Variants in GRAMD1B observed in about 807,000 individuals in gnomAD.
The protein encoded by GRAMD1B is protein Aster-B.
In GRAMD1B, 37 loss-of-function variants were observed where a neutral mutation model predicts 99.7. The ratio of observed to expected loss-of-function variants is 0.37; its 90% CI spans 0.29 to 0.49. GRAMD1B has a LOEUF of 0.49. GRAMD1B is among the 20% of genes least tolerant of loss of function. GRAMD1B has a pLI of 0.98. For synonymous variants in GRAMD1B, 427 were observed against 387.6 expected (o/e 1.10, Z -1.19); for missense variants, 888 against 1,009.2 (o/e 0.88, Z 1.63).
chr11:123,497,284 T>G (rs1939392797), intron 2 of GRAMD1B, among the ~76,000 whole-genome samples: 1 of 152,222 alleles, frequency 6.6e-6, no homozygotes, highest in Non-Finnish European at 1.5e-5. Flanking sequence ...AGTTTCTCAC[T>G]GTGGTTAGCC....
intron 1 of GRAMD1B, among the ~76,000 whole-genome samples, chr11:123,422,174 A>G (rs995794242): frequency 2.0e-5 from 3 of 152,180 alleles, no homozygotes; most frequent in African/African-American, 7.2e-5. Flanking sequence ...TGGGGGGGAT[A>G]CAAGCAGGGG....
At chr11:123,373,942 A>T (rs1946612128) in intron 1 of GRAMD1B, among the ~76,000 whole-genome samples, 1 of 152,204 alleles carries the variant, frequency 6.6e-6, no homozygotes, top group Admixed American at 6.5e-5. Flanking sequence ...GGAGAATCCC[A>T]TCTGGATAAA....
At chr11:123,499,292 C>T (rs1002883404) in intron 2 of GRAMD1B, among the ~76,000 whole-genome samples, 1 of 152,182 alleles carries the variant, frequency 6.6e-6, no homozygotes, top group Non-Finnish European at 1.5e-5. Flanking sequence ...AGGAAGAAGT[C>T]CCTCACCAGA....
In GRAMD1B at chr11:123,610,296, G is replaced by A; in HGVS notation, c.1877G>A (p.Arg626His). The change falls in exon 14 of 20, where the codon CGC becomes CAC. Residue 626 changes from arginine to histidine, a missense_variant. This residue lies in a region of GRAMD1B where 92 missense variants were observed against 156.9 expected (regional missense o/e 0.59). Coordinates refer to ENST00000635736, the MANE Select transcript of GRAMD1B (RefSeq NM_001387025.1). This position sits in a 1 kb window ranked among gnomAD's most constrained non-coding sequence, Gnocchi z 4.1. ...PYHDYFYTIN[R>H]YTLTRVARNK... ...CATGACTACTTCTACACAATCAATC[G>A]CTACACGCTCACCCGTGTGGCTCGG... The A allele has an allele frequency of 1.2e-6, 2 of 1,613,616 alleles. No homozygotes were observed. The highest frequency in any genetic ancestry group is 1.7e-5 in the Admixed American group (1 of 59,996).
intron 1 of GRAMD1B, among the ~76,000 whole-genome samples, chr11:123,386,147 G>A (rs181177521): frequency 1.3e-5 from 2 of 152,288 alleles, no homozygotes; most frequent in African/African-American, 2.4e-5. Context: ...TCTGTCAAGT[G>A]AGATTCTAAT....
chr11:123,560,252 G>C (rs978289931), intron 2 of GRAMD1B: 6 of 1,082,670 alleles, frequency 5.5e-6, no homozygotes, highest in African/African-American at 5.0e-5. Context: ...GCCTGTGCGC[G>C]TGCGTGCCTG....
At chr11:123,410,254 A>G (rs896796484) in intron 1 of GRAMD1B, among the ~76,000 whole-genome samples, 1 of 152,120 alleles carries the variant, frequency 6.6e-6, no homozygotes, top group Non-Finnish European at 1.5e-5. Flanking sequence ...AAAAACAAAC[A>G]AACAAAAAAA....
Position 123,430,732 on chromosome 11 carries a change from G to A in GRAMD1B, c.-61G>A. ...GGGCCGAGGGTGGGGAACAGCCAGAGGGAGACGCGAACCAGGCCGCTGGCG... is the reference window on the plus strand; with the variant it reads ...GGGCCGAGGGTGGGGAACAGCCAGAAGGAGACGCGAACCAGGCCGCTGGCG... On this transcript the variant is annotated 5_prime_UTR_variant, in exon 1 of 20. Coordinates refer to ENST00000635736, the MANE Select transcript of GRAMD1B (RefSeq NM_001387025.1). 1 of 610,992 alleles carries A rather than the reference G, an allele frequency of 1.6e-6. No homozygotes were observed. Among genetic ancestry groups the A allele is most frequent in the Non-Finnish European group, 2.9e-6 (1 of 344,990 alleles). The allele number at this position is 610,992 out of a possible 1,614,324, so 37.8% of individuals were successfully genotyped here. A position where few individuals can be genotyped will look rare whatever the true frequency, so the allele number is the denominator to read the frequency against.
chr11:123,581,085 C>T (rs1160094668), intron 3 of GRAMD1B, among the ~76,000 whole-genome samples: 1 of 152,098 alleles, frequency 6.6e-6, no homozygotes, highest in Non-Finnish European at 1.5e-5. Context: ...CCGGAGCCTT[C>T]GCGGTGGGAG....
At chr11:123,434,907 C>T (rs1395986323) in intron 1 of GRAMD1B, among the ~76,000 whole-genome samples, 1 of 152,216 alleles carries the variant, frequency 6.6e-6, no homozygotes, top group Non-Finnish European at 1.5e-5. Flanking sequence ...TTAGCTTGAG[C>T]ATTTCACTTT....
At position 123,606,598 on chromosome 11, in the gene GRAMD1B, C is replaced by T; in HGVS notation, c.1324-11C>T. The T allele has an allele frequency of 1.9e-6, 3 of 1,605,070 alleles. No individual in the cohort carries two copies. In the South Asian group the frequency reaches 3.4e-5, roughly 18 times the overall value. On this transcript the variant is annotated splice_polypyrimidine_tract_variant and intron_variant, in intron 10 of 19. Transcript: ENST00000635736. ...TTTCCCTGGTGGGTGACTCCTCTGT[C>T]TTGGCTCCAGTTTGATGGGCTGCCC...
At chr11:123,374,868 AAAAGC>A in intron 1 of GRAMD1B, among the ~76,000 whole-genome samples, 1 of 152,208 alleles carries the variant, frequency 6.6e-6, no homozygotes, top group Non-Finnish European at 1.5e-5. Context: ...CAATGTCACA[AAAAGC>A]AAAGTAGTCA....
intron 2 of GRAMD1B, among the ~76,000 whole-genome samples, chr11:123,502,544 G>A (rs923482631): frequency 2.0e-5 from 3 of 152,114 alleles, no homozygotes; most frequent in African/African-American, 7.2e-5. Context: ...GGAAGCTGGG[G>A]CAGGTGGATC....
Position 123,606,611 on chromosome 11 carries a change from T to C in GRAMD1B, c.1326T>C (p.Phe442=), listed in dbSNP as rs777056555. ...STGSSEAPVS[F]DGLPLEEEAL... is the part of the protein sequence containing the mutation. The stretch of plus-strand genomic sequence containing the variant: ...TGACTCCTCTGTCTTGGCTCCAGTT[T>C]GATGGGCTGCCCCTGGAGGAAGAGG... Residue 442 remains phenylalanine (F), a splice_region_variant and synonymous_variant, in exon 11 of 20, where the codon TTT becomes TTC. Transcript: ENST00000635736. The C allele has an allele frequency of 7.5e-6, 12 of 1,608,840 alleles. No homozygotes were observed. In the East Asian group the frequency reaches 2.7e-4, roughly 36 times the overall value.
chr11:123,566,509 G>A (rs1015058258), intron 2 of GRAMD1B, among the ~76,000 whole-genome samples: 2 of 152,178 alleles, frequency 1.3e-5, no homozygotes, highest in African/African-American at 2.4e-5. Flanking sequence ...GCTCACGCCT[G>A]TAATCCCAGC....
chr11:123,395,741 G>T (rs1418849375), intron 1 of GRAMD1B, among the ~76,000 whole-genome samples: 3 of 152,166 alleles, frequency 2.0e-5, no homozygotes, highest in African/African-American at 7.2e-5. Flanking sequence ...ATTTTTTAAA[G>T]CTCTTCAAGT....
At chr11:123,570,976 G>A (rs976024851) in intron 2 of GRAMD1B, among the ~76,000 whole-genome samples, 3 of 152,160 alleles carry the variant, frequency 2.0e-5, no homozygotes, top group African/African-American at 4.8e-5. Flanking sequence ...GTGTGGGGAG[G>A]GGGGCTGACA....
At chr11:123,372,956 A>G (rs930945823) in intron 1 of GRAMD1B, among the ~76,000 whole-genome samples, 26 of 152,046 alleles carry the variant, frequency 1.7e-4, no homozygotes, top group African/African-American at 6.3e-4. Flanking sequence ...CCTGGCCAAC[A>G]TGGCGAAAAC....
chr11:123,375,983 G>A (rs1486623083), intron 1 of GRAMD1B, among the ~76,000 whole-genome samples: 1 of 151,986 alleles, frequency 6.6e-6, no homozygotes, highest in Non-Finnish European at 1.5e-5. Flanking sequence ...CCTGCCTCAT[G>A]CAAACATGTT....
Sources: allele counts gnomAD v4.1 joint callset (sites outside exome capture counted in the v4.1 genomes callset), GRCh38; gene constraint gnomAD v4.1.1; regional missense constraint gnomAD v4.1.1; non-coding constraint Gnocchi (gnomAD v3.1); transcripts MANE v1.5; gene names NCBI Gene and HGNC (gene_info 2026-07-23, HGNC 2026-07-21).